Variants in CCM2 observed in about 807,000 individuals in gnomAD.
The protein encoded by CCM2 is cerebral cavernous malformations 2 protein.
CCM2 carries 25 observed loss-of-function variants against 44.9 expected under a neutral mutation model. That is an observed-to-expected ratio of 0.56 (90% CI 0.41 to 0.78). The LOEUF is 0.78. Among genes scored for constraint, CCM2 ranks in the 30% least tolerant of loss-of-function variants. CCM2 has a pLI of 0.00. For synonymous variants in CCM2, 219 were observed against 241.1 expected, an observed-to-expected ratio of 0.91 and a Z score of 0.85; for missense variants, 481 against 580.6, an observed-to-expected ratio of 0.83 and a Z score of 1.76.
At chr7:45,076,463 G>A, downstream of CCM2, 1 of 361,252 alleles carries the variant, frequency 2.8e-6, no homozygotes, top group Non-Finnish European at 5.5e-6. Flanking sequence ...ATCTCTGGTT[G>A]CCAAGCATGT....
intron 2 of CCM2, among the ~76,000 whole-genome samples, chr7:45,051,752 G>A (rs1798020523): frequency 1.3e-5 from 2 of 152,118 alleles, no homozygotes; most frequent in African/African-American, 2.4e-5. Context: ...TAGTAGAGAC[G>A]GGGTTTCACT....
intron 1 of CCM2, among the ~76,000 whole-genome samples, chr7:45,006,595 C>T (rs764774911): frequency 1.1e-4 from 17 of 152,242 alleles, no homozygotes; most frequent in Non-Finnish European, 2.1e-4. Context: ...CCACCCACCT[C>T]GGCCTCCCAA....
chr7:45,073,550 G>C lies in CCM2; in HGVS notation c.894G>C (p.Leu298=), dbSNP rs752323466. 19 of 1,611,512 alleles carry C rather than the reference G, an allele frequency of 1.2e-5. No individual in the cohort carries two copies. In the East Asian group the frequency reaches 1.3e-4, roughly 11 times the overall value. The change falls in exon 8 of 10, where the codon CTG becomes CTC. Residue 298 remains leucine, a synonymous_variant. Coordinates refer to ENST00000258781, the MANE Select transcript of CCM2 (RefSeq NM_031443.4). ...ESELSASATE[L]LQDYMLTLRT... Reference sequence around the variant, plus strand: ...AGCTGAGCGCCAGCGCCACTGAGCTGCTGCAGGACTACATGCTGACGGTAG... The same window carrying C: ...AGCTGAGCGCCAGCGCCACTGAGCTCCTGCAGGACTACATGCTGACGGTAG...
chr7:45,068,756 G>C (rs936845344), intron 5 of CCM2, among the ~76,000 whole-genome samples, 177 bp downstream of exon 5: 1 of 151,938 alleles, frequency 6.6e-6, no homozygotes, highest in Non-Finnish European at 1.5e-5. Context: ...ACCTCTCTCT[G>C]CTCAACCCTG....
At chr7:45,015,046 G>A (rs974958053) in intron 1 of CCM2, among the ~76,000 whole-genome samples, 1 of 152,168 alleles carries the variant, frequency 6.6e-6, no homozygotes, top group African/African-American at 2.4e-5. Flanking sequence ...AAAACAAGAT[G>A]TTTCAGCTAA....
chr7:45,051,428 C>T (rs192648490), intron 2 of CCM2, among the ~76,000 whole-genome samples: 105 of 151,806 alleles, frequency 6.9e-4, no homozygotes, highest in African/African-American at 2.3e-3. Flanking sequence ...GACATAGTCT[C>T]GTTCTGTCGC....
At chr7:45,004,436 A>G (rs1342600149) in intron 1 of CCM2, among the ~76,000 whole-genome samples, 2 of 152,198 alleles carry the variant, frequency 1.3e-5, no homozygotes, top group East Asian at 1.9e-4. Context: ...GAGAATTTCC[A>G]TAATAAAAAG....
At chr7:45,002,291 A>C (rs1403130989) in intron 1 of CCM2, among the ~76,000 whole-genome samples, 1 of 152,258 alleles carries the variant, frequency 6.6e-6, no homozygotes, top group African/African-American at 2.4e-5. Context: ...ATGCAGAATT[A>C]GGCTGGGTAT....
chr7:45,074,569 C>T (rs928432467), intron 9 of CCM2, among the ~76,000 whole-genome samples, 161 bp downstream of exon 9: 2 of 152,114 alleles, frequency 1.3e-5, no homozygotes, highest in African/African-American at 4.8e-5. Context: ...GTCCAGAGAT[C>T]GGGGAATCTG....
chr7:45,014,706 C>G (rs1289476089), intron 1 of CCM2, among the ~76,000 whole-genome samples: 1 of 150,536 alleles, frequency 6.6e-6, no homozygotes, highest in Non-Finnish European at 1.5e-5. Context: ...ACTCCAACCT[C>G]CACCTCCTGG....
chr7:45,068,686 C>A, intron 5 of CCM2, 107 bp downstream of exon 5: 3 of 1,409,088 alleles, frequency 2.1e-6, no homozygotes, highest in South Asian at 2.3e-5. Flanking sequence ...CTGCTGGGTG[C>A]CCCAGCTACT....
intron 1 of CCM2, chr7:45,027,626 T>C: frequency 6.2e-7 from 1 of 1,613,042 alleles, no homozygotes; most frequent in African/African-American, 1.3e-5. Flanking sequence ...TTTCTGGTCT[T>C]CCTGTTCAGT....
intron 1 of CCM2, among the ~76,000 whole-genome samples, chr7:45,011,679 G>A (rs1235887375): frequency 6.6e-6 from 1 of 152,006 alleles, no homozygotes; most frequent in African/African-American, 2.4e-5. Flanking sequence ...AGCCTCCCAA[G>A]TAGCTGAGAT....
chr7:45,054,103 C>T (rs1304224929), intron 2 of CCM2, among the ~76,000 whole-genome samples: 2 of 152,224 alleles, frequency 1.3e-5, no homozygotes, highest in East Asian at 1.9e-4. Context: ...GGTCCTCTCC[C>T]AGGTGCATTC....
chr7:45,061,043 G>T (rs1401054729), intron 2 of CCM2, among the ~76,000 whole-genome samples: 1 of 152,138 alleles, frequency 6.6e-6, no homozygotes, highest in East Asian at 1.9e-4. Flanking sequence ...TGTGATGCTG[G>T]GGGATAAAAA....
intron 2 of CCM2, among the ~76,000 whole-genome samples, chr7:45,057,532 G>A (rs1403892392): frequency 6.6e-6 from 1 of 152,180 alleles, no homozygotes; most frequent in Admixed American, 6.6e-5. Flanking sequence ...CTGTGGTGGT[G>A]TAGTAAGTTT....
chr7:45,057,438 G>A (rs1798316012), intron 2 of CCM2, among the ~76,000 whole-genome samples: 1 of 152,204 alleles, frequency 6.6e-6, no homozygotes, highest in African/African-American at 2.4e-5. Context: ...TAGGATTACA[G>A]GTGTGAGCCA....
chr7:45,030,772 G>T (rs937070730), intron 1 of CCM2, among the ~76,000 whole-genome samples: 1 of 152,116 alleles, frequency 6.6e-6, no homozygotes, highest in East Asian at 1.9e-4. Context: ...CACCCAGGCT[G>T]GAGTGCAGTG....
intron 1 of CCM2, among the ~76,000 whole-genome samples, chr7:45,033,953 T>C (rs1797088066): frequency 6.6e-6 from 1 of 152,224 alleles, no homozygotes; most frequent in Non-Finnish European, 1.5e-5. Context: ...ACTTACAGTT[T>C]ACCATGATTT....
Sources: gnomAD v4.1 joint callset for allele counts (sites outside exome capture counted in the v4.1 genomes callset) on GRCh38, gnomAD v4.1.1 for gene constraint, MANE v1.5 for transcripts, NCBI Gene and HGNC (gene_info 2026-07-23, HGNC 2026-07-21) for gene names.